The following MYO5B variants were observed in gnomAD, a reference collection of about 807,000 sequenced individuals.
The protein encoded by MYO5B is myosin VB, also known as unconventional myosin-Vb.
Under a neutral mutation model 229.3 loss-of-function variants are expected in MYO5B, and 143 were observed. The ratio of observed to expected loss-of-function variants is 0.62; its 90% confidence interval spans 0.54 to 0.72. MYO5B has a LOEUF of 0.72. Ranked by LOEUF, MYO5B falls within the 30% of genes least tolerant of loss-of-function variation. The pLI, the probability that MYO5B is intolerant of heterozygous loss-of-function variation, is 0.00. For synonymous variants in MYO5B, 918 were observed against 885.2 expected (o/e 1.04, Z -0.66); for missense variants, 2,321 against 2,331.0 (o/e 1.00, Z 0.09).
chr18:50,086,809 G>A (rs2031340357), intron 1 of MYO5B, among the ~76,000 whole-genome samples: 1 of 152,148 alleles, frequency 6.6e-6, no homozygotes. Context: ...GATGCCAGTA[G>A]AGGAGATGAG....
chr18:49,948,385 G>A (rs995894280), intron 14 of MYO5B, among the ~76,000 whole-genome samples: 1 of 147,488 alleles, frequency 6.8e-6, no homozygotes, highest in Non-Finnish European at 1.5e-5. Flanking sequence ...AGGCTTTGGA[G>A]GAAAAGTCTC....
At chr18:50,126,852 C>T (rs991061204) in intron 1 of MYO5B, among the ~76,000 whole-genome samples, 8 of 152,194 alleles carry the variant, frequency 5.3e-5, no homozygotes, top group African/African-American at 1.9e-4. Flanking sequence ...TAACCTTGGG[C>T]AAGTTACTAG....
rs2023842848 is a variant in MYO5B at position 49,826,247 on chromosome 18, A to C, written c.*224T>G. The C allele has an allele frequency of 3.6e-6, 2 of 556,394 alleles. No homozygotes were observed. Among genetic ancestry groups the C allele is most frequent in the Non-Finnish European group, 3.2e-6 (1 of 314,228 alleles). The allele number at this position is 556,394 out of a possible 1,614,324, so 34.5% of individuals were successfully genotyped here. ...TGTATATGTGTTGGACTGAAATCAA[A>C]CTTAAAATCTTCCATATTTCAAGTG... On this transcript the variant is annotated 3_prime_UTR_variant, in exon 40 of 40. Transcript: ENST00000285039.
chr18:50,194,632 G>T (rs957465454), intron 1 of MYO5B, 135 bp downstream of exon 1: 8 of 602,842 alleles, frequency 1.3e-5, no homozygotes, highest in Non-Finnish European at 2.3e-5. Context: ...GGACAGTGAC[G>T]AGGAGGACAC....
chr18:49,936,682 T>G (rs2025254119), intron 15 of MYO5B, among the ~76,000 whole-genome samples: 1 of 152,186 alleles, frequency 6.6e-6, no homozygotes, highest in Non-Finnish European at 1.5e-5. Context: ...ACCGGAAGCC[T>G]GCTCTTCCTA....
intron 1 of MYO5B, among the ~76,000 whole-genome samples, chr18:50,180,914 C>T (rs1313702354): frequency 6.6e-6 from 1 of 152,326 alleles, no homozygotes; most frequent in East Asian, 1.9e-4. Flanking sequence ...ATCCATTCAT[C>T]ATTCCTTGGA....
At chr18:49,919,314 A>G (rs2025050246) in intron 17 of MYO5B, among the ~76,000 whole-genome samples, 1 of 152,024 alleles carries the variant, frequency 6.6e-6, no homozygotes, top group Non-Finnish European at 1.5e-5. Flanking sequence ...AACCAAAGAA[A>G]TAAACAGATT....
At chr18:50,174,335 G>A (rs987200892) in intron 1 of MYO5B, among the ~76,000 whole-genome samples, 2 of 152,144 alleles carry the variant, frequency 1.3e-5, no homozygotes, top group African/African-American at 4.8e-5. Context: ...AGGGGATGGT[G>A]CACTCTCACT....
At position 50,104,470 on chromosome 18, in the gene MYO5B, G is replaced by A. The variant is rs192662244; in HGVS notation, c.28-49092C>T. Among the ~76,000 whole-genome samples, 648 of 151,838 alleles carry A rather than the reference G, an allele frequency of 4.3e-3. 5 individuals carry two copies. The highest frequency in any genetic ancestry group is 4.4e-3 in the Non-Finnish European group (298 of 67,960). On this transcript the variant is annotated intron_variant, in intron 1 of 39. Transcript: ENST00000285039. The stretch of plus-strand genomic sequence containing the variant: ...CAATGAGGAAAATTTTACTTTAAAT[G>A]ACTAGTATTTTAGTTTAGAAGAAAC...
intron 22 of MYO5B, among the ~76,000 whole-genome samples, chr18:49,892,918 C>T (rs968325081): frequency 1.3e-5 from 2 of 152,172 alleles, no homozygotes; most frequent in African/African-American, 4.8e-5. Context: ...CTCCTTGCAG[C>T]GTCCTTAATT....
chr18:50,131,652 G>T (rs1181641630), intron 1 of MYO5B, among the ~76,000 whole-genome samples: 1 of 152,156 alleles, frequency 6.6e-6, no homozygotes, highest in Non-Finnish European at 1.5e-5. Context: ...TGCATTAAAA[G>T]CATTTGTAGC....
At chr18:49,957,142 CAAA>C (rs71169467) in intron 12 of MYO5B, among the ~76,000 whole-genome samples, 2 of 58,734 alleles carry the variant, frequency 3.4e-5, no homozygotes, top group Non-Finnish European at 5.7e-5. Flanking sequence ...AATAAAGTAG[CAAA>C]AAAAAAAAAA....
chr18:50,008,162 T>C (rs776318310), intron 4 of MYO5B, among the ~76,000 whole-genome samples: 6 of 152,306 alleles, frequency 3.9e-5, no homozygotes, highest in Middle Eastern at 3.4e-3. Flanking sequence ...TAAATATGTA[T>C]TGGGGTCATC....
At chr18:50,088,855 C>A (rs183255210) in intron 1 of MYO5B, among the ~76,000 whole-genome samples, 3 of 152,306 alleles carry the variant, frequency 2.0e-5, no homozygotes, top group African/African-American at 7.2e-5. Context: ...CATATTACAC[C>A]TTTTTGGTTC....
intron 5 of MYO5B, among the ~76,000 whole-genome samples, chr18:49,996,427 G>A (rs2025987768): frequency 6.6e-6 from 1 of 152,044 alleles, no homozygotes; most frequent in Non-Finnish European, 1.5e-5. Flanking sequence ...TCACCAGTAG[G>A]GAAAACATAA....
rs1190074850 is a variant in MYO5B, at chr18:50,191,583, A to G, written c.27+3184T>C. ...AAAATCAAATTGAGTGTTTTCTCCTACAAGTATTGTCTTTAAAAGCAATCC... is the reference window on the plus strand; with the variant it reads ...AAAATCAAATTGAGTGTTTTCTCCTGCAAGTATTGTCTTTAAAAGCAATCC... On this transcript the variant is annotated intron_variant, in intron 1 of 39. Coordinates refer to ENST00000285039, the MANE Select transcript of MYO5B (RefSeq NM_001080467.3). Among the ~76,000 whole-genome samples the G allele has an allele frequency of 3.3e-5, 5 of 152,344 alleles. No homozygotes were observed. In the East Asian group the frequency reaches 9.6e-4, roughly 29 times the overall value.
At chr18:50,076,531 C>A (rs543029500) in intron 1 of MYO5B, among the ~76,000 whole-genome samples, 12 of 152,204 alleles carry the variant, frequency 7.9e-5, no homozygotes, top group Non-Finnish European at 1.2e-4. Flanking sequence ...CAGGACACAC[C>A]GGCATCCATT....
chr18:50,044,243 G>C (rs1340766615), intron 2 of MYO5B, among the ~76,000 whole-genome samples: 1 of 152,148 alleles, frequency 6.6e-6, no homozygotes, highest in Non-Finnish European at 1.5e-5. Flanking sequence ...GGGAAGGCAG[G>C]AGTGAGAGAC....
chr18:50,191,455 T>C (rs919483327), intron 1 of MYO5B, among the ~76,000 whole-genome samples: 1 of 152,224 alleles, frequency 6.6e-6, no homozygotes, highest in Non-Finnish European at 1.5e-5. Context: ...ACCAGTTTTG[T>C]ACATCTCCAT....
Sources: gnomAD v4.1 joint callset for allele counts (sites outside exome capture counted in the v4.1 genomes callset) on GRCh38, gnomAD v4.1.1 for gene constraint, MANE v1.5 for transcripts, NCBI Gene and HGNC (gene_info 2026-07-23, HGNC 2026-07-21) for gene names.